The following CNTN4 variants were observed in gnomAD, a reference collection of about 807,000 sequenced individuals.
CNTN4 encodes contactin-4.
In CNTN4, 77 loss-of-function variants were observed where a neutral mutation model predicts 122.5. That is an observed-to-expected ratio of 0.63 (90% CI 0.52 to 0.76). CNTN4 has a LOEUF of 0.76. Ranked by LOEUF, CNTN4 falls within the 30% of genes least tolerant of loss-of-function variation. The probability of loss-of-function intolerance (pLI) is 0.00; values close to 1 mark genes in which losing one functional copy is unlikely to be tolerated. For missense variants in CNTN4, 1,256 were observed against 1,259.1 expected, an observed-to-expected ratio of 1.00 and a Z score of 0.04; for synonymous variants, 512 against 447.0, an observed-to-expected ratio of 1.15 and a Z score of -1.83.
Position 2,116,825 on chromosome 3 carries a change from G to A in CNTN4, c.-145+16186G>A, listed in dbSNP as rs190611365. On this transcript the variant is annotated intron_variant, in intron 2 of 24. Coordinates refer to ENST00000418658, the MANE Select transcript of CNTN4 (RefSeq NM_175607.3). ...ATCTAATGTTGCAGATTTCAGCCCTGGCTCCTCCTTAGAATAATCCGGTTA... is the reference window on the plus strand; with the variant it reads ...ATCTAATGTTGCAGATTTCAGCCCTAGCTCCTCCTTAGAATAATCCGGTTA... Among the ~76,000 whole-genome samples the A allele has an allele frequency of 1.2e-3, 189 of 152,202 alleles. 1 individual carries two copies. The highest frequency in any genetic ancestry group is 2.5e-3 in the South Asian group (12 of 4,824).
intron 13 of CNTN4, among the ~76,000 whole-genome samples, chr3:2,969,738 A>G (rs1263934109): frequency 6.6e-6 from 1 of 152,168 alleles, no homozygotes; most frequent in African/African-American, 2.4e-5. Context: ...CAGACCAACA[A>G]TGACAGACTT....
At chr3:2,681,232 G>A (rs2085148478) in intron 4 of CNTN4, among the ~76,000 whole-genome samples, 1 of 152,070 alleles carries the variant, frequency 6.6e-6, no homozygotes, top group Non-Finnish European at 1.5e-5. Context: ...TAATACCATG[G>A]GGCAGGATGC....
At chr3:2,502,746 A>G (rs1389893038) in intron 3 of CNTN4, among the ~76,000 whole-genome samples, 3 of 152,122 alleles carry the variant, frequency 2.0e-5, no homozygotes, top group Non-Finnish European at 4.4e-5. Context: ...GGCTTTCCAT[A>G]TGAGTGAACT....
chr3:2,149,514 G>T (rs890521021), intron 2 of CNTN4, among the ~76,000 whole-genome samples: 2 of 152,130 alleles, frequency 1.3e-5, no homozygotes, highest in Non-Finnish European at 2.9e-5. Flanking sequence ...TGAAGATGGA[G>T]ACCTTCATAG....
rs898520324 is a variant in CNTN4, at chr3:2,385,202, A to G, written c.-89+45969A>G. Among the ~76,000 whole-genome samples the G allele has an allele frequency of 1.3e-5, 2 of 152,150 alleles. No homozygotes were observed. The highest frequency in any genetic ancestry group is 2.4e-5 in the African/African-American group (1 of 41,438). On this transcript the variant is annotated intron_variant, in intron 3 of 24. Coordinates refer to ENST00000418658, the MANE Select transcript of CNTN4 (RefSeq NM_175607.3). This position sits in a 1 kb window ranked among gnomAD's most constrained non-coding sequence, Gnocchi z 4.0. ...GGTTAATCCCAAACTCTTTTTAAAA[A>G]TAATCTGTCTACTACTCAACTTTCT... is the stretch of plus-strand genomic sequence containing the variant.
chr3:2,571,662 G>A, intron 4 of CNTN4, 104 bp downstream of exon 4: 1 of 826,054 alleles, frequency 1.2e-6, no homozygotes, highest in Non-Finnish European at 2.1e-6. Flanking sequence ...AATCGCAAGA[G>A]TATATGCTGC....
intron 3 of CNTN4, among the ~76,000 whole-genome samples, chr3:2,407,700 T>G (rs2047088742): frequency 1.3e-5 from 2 of 152,088 alleles, no homozygotes; most frequent in Admixed American, 1.3e-4. Context: ...TAAAATTGAT[T>G]CCCAAATGCG....
intron 3 of CNTN4, among the ~76,000 whole-genome samples, chr3:2,532,149 T>C (rs529881179): frequency 3.6e-4 from 55 of 152,322 alleles, no homozygotes; most frequent in African/African-American, 1.3e-3. Flanking sequence ...ATCTCCTGCT[T>C]ATTGGAAGAT....
intron 6 of CNTN4, among the ~76,000 whole-genome samples, chr3:2,806,381 A>C (rs1425355071): frequency 6.6e-6 from 1 of 152,200 alleles, no homozygotes; most frequent in Non-Finnish European, 1.5e-5. Flanking sequence ...AACATCTTCC[A>C]CACATGGCAC....
intron 4 of CNTN4, among the ~76,000 whole-genome samples, chr3:2,628,471 T>G (rs897724872): frequency 3.9e-5 from 6 of 152,228 alleles, no homozygotes; most frequent in Non-Finnish European, 7.3e-5. Flanking sequence ...TTTATGAGAA[T>G]ATTTTCTACT....
In CNTN4 at chr3:2,180,601, T is replaced by G. The variant is rs568418216; in HGVS notation, c.-145+79962T>G. ...TTTTTAGGGTTTCTCCTGACCTTCC[T>G]TATCCATGTTTCCCAGTCCAGTTTC... On this transcript the variant is annotated intron_variant, in intron 2 of 24. Coordinates refer to ENST00000418658, the MANE Select transcript of CNTN4 (RefSeq NM_175607.3). Among the ~76,000 whole-genome samples, 7 of 152,206 alleles carry G rather than the reference T, an allele frequency of 4.6e-5. No homozygotes were observed. The South Asian group carries it at 1.2e-3, about 27-fold the overall frequency.
chr3:2,367,279 A>G (rs80120109), intron 3 of CNTN4, among the ~76,000 whole-genome samples: 3,579 of 152,320 alleles, frequency 0.023, 154 homozygotes, highest in African/African-American at 0.081. Context: ...GACTTGCAAT[A>G]TATATAAGTT....
At chr3:3,027,892 G>C (rs1698862406) in intron 15 of CNTN4, among the ~76,000 whole-genome samples, 1 of 152,180 alleles carries the variant, frequency 6.6e-6, no homozygotes, top group African/African-American at 2.4e-5. Context: ...GCTGTCCGTA[G>C]AGCTGCTCAC....
At chr3:2,400,424 TATAC>T (rs753062224) in intron 3 of CNTN4, among the ~76,000 whole-genome samples, 3 of 67,974 alleles carry the variant, frequency 4.4e-5, no homozygotes, top group Admixed American at 1.9e-4. Context: ...TATATATATA[TATAC>T]ATATATATAT....
chr3:2,874,875 G>T (rs2150914972), intron 8 of CNTN4, among the ~76,000 whole-genome samples: 1 of 152,234 alleles, frequency 6.6e-6, no homozygotes, highest in South Asian at 2.1e-4. Flanking sequence ...CTTGCCTGTG[G>T]CCTGTTTCTG....
chr3:2,152,605 A>G (rs968975648), intron 2 of CNTN4, among the ~76,000 whole-genome samples: 1 of 152,152 alleles, frequency 6.6e-6, no homozygotes, highest in African/African-American at 2.4e-5. Flanking sequence ...TGTGACTCCA[A>G]GTGTTTTGTC....
chr3:2,404,754 G>GGACA (rs1421680202), intron 3 of CNTN4, among the ~76,000 whole-genome samples: 1 of 152,044 alleles, frequency 6.6e-6, no homozygotes, highest in Non-Finnish European at 1.5e-5. Context: ...AACCTTTGAG[G>GGACA]GACAGCTCTA....
chr3:2,535,347 T>C (rs1483709615), intron 3 of CNTN4, among the ~76,000 whole-genome samples: 1 of 152,190 alleles, frequency 6.6e-6, no homozygotes, highest in Non-Finnish European at 1.5e-5. Flanking sequence ...TATGTATCTC[T>C]TACTGATATC....
chr3:2,740,669 A>G (rs559793532), intron 5 of CNTN4, among the ~76,000 whole-genome samples: 106 of 117,900 alleles, frequency 9.0e-4, no homozygotes, highest in African/African-American at 3.2e-3. Flanking sequence ...AACTTTAACA[A>G]CTACTATCTA....
Sources: gnomAD v4.1 joint callset for allele counts (sites outside exome capture counted in the v4.1 genomes callset) on GRCh38, gnomAD v4.1.1 for gene constraint, Gnocchi (gnomAD v3.1) non-coding constraint, MANE v1.5 for transcripts, NCBI Gene and HGNC (gene_info 2026-07-23, HGNC 2026-07-21) for gene names.